Variants in C10orf90 observed in about 807,000 individuals in gnomAD.
C10orf90 encodes the protein (E2-independent) E3 ubiquitin-conjugating enzyme FATS.
A neutral mutation model predicts 62.5 loss-of-function variants in C10orf90; 56 were observed. The observed-to-expected ratio is 0.90, with a 90% confidence interval of 0.72 to 1.12. The LOEUF (loss-of-function observed/expected upper bound fraction) is 1.12, where lower values mean the gene tolerates loss of function less well. Ranked by LOEUF, C10orf90 falls within the 50% of genes most tolerant of loss-of-function variation. C10orf90 has a pLI of 0.00. For missense variants in C10orf90, 970 were observed against 880.4 expected (o/e 1.10, Z -1.29); for synonymous variants, 386 against 340.4 (o/e 1.13, Z -1.47).
chr10:126,635,615 C>T (rs1370930786), intron 2 of C10orf90, among the ~76,000 whole-genome samples: 1 of 152,188 alleles, frequency 6.6e-6, no homozygotes, highest in South Asian at 2.1e-4. Context: ...AATGAGAAAG[C>T]AATCAGTGTC....
chr10:126,425,871 G>T lies in C10orf90; in HGVS notation c.2384C>A (p.Ala795Glu), dbSNP rs778292004. The T allele has an allele frequency of 1.2e-6, 2 of 1,613,950 alleles. No homozygotes were observed. The highest frequency in any genetic ancestry group is 1.7e-6 in the Non-Finnish European group (2 of 1,179,966). ...CAGCAGGGCAGCCTGTGGTTAGACC[G>T]CATTCCTTTGAAGGAGCTGGTCCAG... ...QLLDQLLQRNAV is the reference protein window; with the variant it reads ...QLLDQLLQRNEV Residue 795 changes from alanine (A) to glutamate (E), a missense_variant, in exon 10 of 10, where the codon GCG (alanine) becomes GAG (glutamate). Coordinates refer to ENST00000488181, the MANE Select transcript of C10orf90 (RefSeq NM_001350921.2).
intron 2 of C10orf90, among the ~76,000 whole-genome samples, chr10:126,527,084 G>T (rs939365745): frequency 1.5e-4 from 19 of 124,610 alleles, no homozygotes; most frequent in African/African-American, 6.0e-4. Flanking sequence ...CCTAGGAGTG[G>T]AATTGCCGTG....
In C10orf90 at chr10:126,504,227, C is replaced by T; in HGVS notation, c.1264G>A (p.Glu422Lys). 2 of 1,614,178 alleles carry T rather than the reference C, an allele frequency of 1.2e-6. No individual in the cohort carries two copies. Among genetic ancestry groups the T allele is most frequent in the Non-Finnish European group, 1.7e-6 (2 of 1,180,032 alleles). Residue 422 changes from glutamate to lysine, a missense_variant, in exon 4 of 10, where the codon GAG becomes AAG. Glu to Lys is a moderately conservative substitution (Grantham distance 56). Coordinates refer to ENST00000488181, the MANE Select transcript of C10orf90 (RefSeq NM_001350921.2). The surrounding 1 kb of genome is among the most constrained non-coding windows in gnomAD (Gnocchi z 4.1). ...ISEALKQELLEGDQDLVGQRW... is the reference protein window; with the variant it reads ...ISEALKQELLKGDQDLVGQRW... ...TGGCCTACGAGGTCCTGGTCTCCCT[C>T]CAGGAGCTCCTGCTTCAGGGCTTCG...
At chr10:126,623,798 G>T (rs1033705918) in intron 2 of C10orf90, among the ~76,000 whole-genome samples, 1 of 142,818 alleles carries the variant, frequency 7.0e-6, no homozygotes, top group Admixed American at 7.3e-5. Context: ...CAGAGATCAC[G>T]CCACTGCATT....
intron 2 of C10orf90, among the ~76,000 whole-genome samples, chr10:126,542,426 T>A (rs1864396547): frequency 6.6e-6 from 1 of 151,920 alleles, no homozygotes; most frequent in African/African-American, 2.4e-5. Flanking sequence ...TTGCTTGAAC[T>A]CGGGAGGTGG....
intron 1 of C10orf90, among the ~76,000 whole-genome samples, chr10:126,648,288 T>C (rs1289517552): frequency 6.6e-6 from 1 of 152,150 alleles, no homozygotes; most frequent in African/African-American, 2.4e-5. Flanking sequence ...AAAGGAATGT[T>C]TTTGAGGATT....
intron 4 of C10orf90, among the ~76,000 whole-genome samples, chr10:126,490,652 AT>A (rs1861717638): frequency 6.6e-6 from 1 of 152,130 alleles, no homozygotes; most frequent in Non-Finnish European, 1.5e-5. Context: ...TTTTATCAAA[AT>A]TTAAAAAAAG....
intron 3 of C10orf90, among the ~76,000 whole-genome samples, chr10:126,508,829 C>T (rs1444384876): frequency 6.6e-6 from 1 of 152,198 alleles, no homozygotes; most frequent in Non-Finnish European, 1.5e-5. Context: ...AGAGTACCTA[C>T]TCTTCAGGCT....
intron 7 of C10orf90, among the ~76,000 whole-genome samples, chr10:126,442,956 A>C (rs1475420814): frequency 6.6e-6 from 1 of 152,014 alleles, no homozygotes; most frequent in East Asian, 1.9e-4. Flanking sequence ...AAATTCATCA[A>C]ACTAAATTAC....
At chr10:126,437,987 G>A (rs1425814643) in intron 7 of C10orf90, among the ~76,000 whole-genome samples, 1 of 152,180 alleles carries the variant, frequency 6.6e-6, no homozygotes, top group African/African-American at 2.4e-5. Flanking sequence ...TATTTTCTGT[G>A]GTTATTTCAC....
chr10:126,507,803 T>G (rs1365824135), intron 3 of C10orf90, among the ~76,000 whole-genome samples: 1 of 152,166 alleles, frequency 6.6e-6, no homozygotes, highest in Non-Finnish European at 1.5e-5. Flanking sequence ...TCCAGTGAGA[T>G]TCCAGCCTGT....
At chr10:126,552,530 C>T (rs747555846) in intron 2 of C10orf90, among the ~76,000 whole-genome samples, 2 of 152,204 alleles carry the variant, frequency 1.3e-5, no homozygotes, top group Non-Finnish European at 2.9e-5. Context: ...ATCATCCAGG[C>T]GTTCTCGCTG....
At position 126,670,458 on chromosome 10, in the gene C10orf90, G is replaced by A. The variant is rs1401889622; in HGVS notation, c.23C>T (p.Thr8Ile). ...AGCATACCCCTGCGGATGAGTTTTT[G>A]TAGGAATTCCAGAGTGCTGCATGAG... MQHSGIP[T>I]KTHPQGYAAR... is the part of the protein sequence containing the mutation. Residue 8 changes from threonine to isoleucine, a missense_variant, in exon 1 of 10, where the codon ACA (threonine) becomes ATA (isoleucine). Thr to Ile is a moderately conservative substitution (Grantham distance 89). Transcript: ENST00000488181. The A allele has an allele frequency of 2.2e-6, 1 of 456,548 alleles. No homozygotes were observed. The highest frequency in any genetic ancestry group is 4.4e-6 in the Non-Finnish European group (1 of 226,938). The allele number at this position is 456,548 out of a possible 1,614,324, so 28.3% of individuals were successfully genotyped here. A position where few individuals can be genotyped will look rare whatever the true frequency, so the allele number is the denominator to read the frequency against.
intron 2 of C10orf90, among the ~76,000 whole-genome samples, chr10:126,641,903 C>T (rs1165213849): frequency 1.3e-5 from 2 of 152,128 alleles, no homozygotes; most frequent in Admixed American, 6.5e-5. Context: ...AAATCCACTC[C>T]CCACCCTTCC....
At chr10:126,531,803 C>T (rs1313324360) in intron 2 of C10orf90, among the ~76,000 whole-genome samples, 2 of 152,026 alleles carry the variant, frequency 1.3e-5, no homozygotes, top group South Asian at 2.1e-4. Flanking sequence ...TTTAAAACTT[C>T]GATTCATAAG....
intron 2 of C10orf90, among the ~76,000 whole-genome samples, chr10:126,576,947 A>T (rs745333654): frequency 4.1e-4 from 62 of 151,516 alleles, no homozygotes; most frequent in Non-Finnish European, 7.1e-4. Context: ...CTAAAAAAAA[A>T]GTTGATTTCA....
In C10orf90 at chr10:126,508,955, C is replaced by T. The variant is rs548905140; in HGVS notation, c.406-3870G>A. 3.8e-4 allele frequency among the ~76,000 whole-genome samples: 58 copies of T among 152,274 alleles called. 1 individual carries two copies. The South Asian group carries it at 9.8e-3, about 26-fold the overall frequency. ...TGGGAAATACCTGACTCTGACTACA[C>T]GTCTGGACCGAGCCCTGAAGCCACA... On this transcript the variant is annotated intron_variant, in intron 3 of 9. Coordinates refer to ENST00000488181, the MANE Select transcript of C10orf90 (RefSeq NM_001350921.2).
chr10:126,640,189 T>C (rs1223785058), intron 2 of C10orf90, among the ~76,000 whole-genome samples: 1 of 152,192 alleles, frequency 6.6e-6, no homozygotes, highest in Non-Finnish European at 1.5e-5. Context: ...GAATGCTAGC[T>C]GAAGTAAACA....
chr10:126,508,192 T>A (rs12264497), intron 3 of C10orf90, among the ~76,000 whole-genome samples: 1,456 of 52,476 alleles, frequency 0.028, 7 homozygotes, highest in East Asian at 0.038. Context: ...AGAGAGAGAG[T>A]GTGTGTGTGT....
Sources: allele counts gnomAD v4.1 joint callset (sites outside exome capture counted in the v4.1 genomes callset), GRCh38; gene constraint gnomAD v4.1.1; non-coding constraint Gnocchi (gnomAD v3.1); transcripts MANE v1.5; gene names NCBI Gene and HGNC (gene_info 2026-07-23, HGNC 2026-07-21).